The following THAP8 variants were observed in gnomAD, a reference collection of about 807,000 sequenced individuals.
THAP8 encodes THAP domain-containing protein 8.
A neutral mutation model predicts 25.0 loss-of-function variants in THAP8; 24 were observed. That is an observed-to-expected ratio of 0.96 (90% confidence interval 0.69 to 1.35). The LOEUF is 1.35. THAP8 is among the 40% of genes most tolerant of loss of function. The pLI is 0.00. For synonymous variants in THAP8, 169 were observed against 157.6 expected (o/e 1.07, Z -0.54); for missense variants, 399 against 368.8 (o/e 1.08, Z -0.67).
At chr19:36,039,215 C>A in intron 3 of THAP8, 108 bp downstream of exon 3, 6 of 1,364,884 alleles carry the variant, frequency 4.4e-6, no homozygotes, top group Non-Finnish European at 5.7e-6. Context: ...TTTGGAAACA[C>A]GGCTGAATGT....
chr19:36,049,741 G>A (rs539876329), intron 1 of THAP8, among the ~76,000 whole-genome samples: 6 of 152,176 alleles, frequency 3.9e-5, no homozygotes, highest in Non-Finnish European at 8.8e-5. Context: ...AACTATTGTT[G>A]TTGTTATGAG....
At chr19:36,035,807 A>G (rs57893103) in intron 3 of THAP8, among the ~76,000 whole-genome samples, 20,980 of 151,662 alleles carry the variant, frequency 0.14, 1,787 homozygotes, top group Middle Eastern at 0.25. Flanking sequence ...AAATGGGAAG[A>G]GAAGTGCGGG....
At chr19:36,037,172 C>T (rs1184072361) in intron 3 of THAP8, among the ~76,000 whole-genome samples, 1 of 151,324 alleles carries the variant, frequency 6.6e-6, no homozygotes, top group African/African-American at 2.4e-5. Flanking sequence ...AGAGACATAA[C>T]ACCATTCCTC....
chr19:36,038,614 C>T (rs918880374), intron 3 of THAP8, among the ~76,000 whole-genome samples: 1 of 152,154 alleles, frequency 6.6e-6, no homozygotes, highest in Admixed American at 6.5e-5. Flanking sequence ...CATTTTGGGA[C>T]GCCAAGGCAG....
chr19:36,037,044 G>A (rs1969479804), intron 3 of THAP8, among the ~76,000 whole-genome samples: 1 of 151,886 alleles, frequency 6.6e-6, no homozygotes, highest in Non-Finnish European at 1.5e-5. Context: ...GCTCTGTGTG[G>A]GCATCTCTCT....
intron 3 of THAP8, 36 bp from the exon 4 acceptor site, chr19:36,035,628 C>G (rs368029265): frequency 1.3e-6 from 2 of 1,595,134 alleles, no homozygotes; most frequent in South Asian, 1.1e-5. Context: ...GGGAACATTA[C>G]GAAGCAAGTT....
At chr19:36,043,724 C>T (rs1486596213) in intron 1 of THAP8, among the ~76,000 whole-genome samples, 15 of 151,956 alleles carry the variant, frequency 9.9e-5, no homozygotes, top group Non-Finnish European at 1.9e-4. Context: ...CCCGTCTCTA[C>T]GAAAATTACA....
intron 1 of THAP8, among the ~76,000 whole-genome samples, chr19:36,052,697 C>T (rs1970089738): frequency 6.6e-6 from 1 of 152,178 alleles, no homozygotes; most frequent in East Asian, 1.9e-4. Flanking sequence ...ATATTGTGTC[C>T]TTATCTGAAG....
At chr19:36,038,368 C>A (rs1449046623) in intron 3 of THAP8, among the ~76,000 whole-genome samples, 4 of 151,772 alleles carry the variant, frequency 2.6e-5, no homozygotes, top group African/African-American at 9.7e-5. Flanking sequence ...CTCAAGGGAT[C>A]TTCCTGCCTC....
rs35918803 is a variant in THAP8, at chr19:36,036,272, C to CTTTTT, written c.673-685_673-681dup. ...TGCAGAGCCTTCAGGAAAGACCAGACTTTTTTTTTTTTTTTTTTTTTGAGA... is the reference window on the plus strand; with the variant it reads ...TGCAGAGCCTTCAGGAAAGACCAGACTTTTTTTTTTTTTTTTTTTTTTTTTTGAGA... On this transcript the variant is annotated intron_variant, in intron 3 of 3. Transcript: ENST00000292894. Among the ~76,000 whole-genome samples the CTTTTT allele has an allele frequency of 1.1e-3, 119 of 110,444 alleles. 2 individuals carry two copies. Among genetic ancestry groups the CTTTTT allele is most frequent in the Middle Eastern group, 5.2e-3 (1 of 194 alleles). The allele number at this position is 110,444 out of a possible 152,430, so 72.5% of individuals were successfully genotyped here.
intron 1 of THAP8, among the ~76,000 whole-genome samples, chr19:36,046,616 G>A (rs558363068): frequency 6.6e-6 from 1 of 152,314 alleles, no homozygotes; most frequent in African/African-American, 2.4e-5. Flanking sequence ...GGCTGCTGCA[G>A]TCAGCCTCCC....
chr19:36,054,078 G>C, intron 1 of THAP8, 57 bp downstream of exon 1: 2 of 1,572,464 alleles, frequency 1.3e-6, no homozygotes, highest in Non-Finnish European at 1.7e-6. Flanking sequence ...CTAATGCTCG[G>C]GCCCCACCCC....
Position 36,039,429 on chromosome 19 carries a change from C to G in THAP8, c.566G>C (p.Arg189Pro), listed in dbSNP as rs369641801. The G allele has an allele frequency of 6.3e-7, 1 of 1,580,460 alleles. No individual in the cohort carries two copies. The highest frequency in any genetic ancestry group is 1.1e-5 in the South Asian group (1 of 87,108). The change falls in exon 3 of 4, where the codon CGG becomes CCG. Residue 189 changes from arginine (R) to proline (P), a missense_variant. By Grantham distance (103) the Arg-to-Pro change is moderately radical (BLOSUM62 -2). Transcript: ENST00000292894. ...ALQRRVRRLQ[R>P]CQERHQAQLQ... ...CTGCGCCTGGTGCCGCTCCTGGCAC[C>G]GTTGCAGCCTCCGCACCCGGCGTTG...
Position 36,039,497 on chromosome 19 carries a change from G to A in THAP8, c.498C>T (p.Ala166=). ...GGCCCAGCCCGGTCTGGGCCTGTTG[G>A]GCAGGGACTTCAGGTTGTGACCGCT... is the stretch of plus-strand genomic sequence containing the variant. ...TPERSQPEVP[A]QQAQTGLGPV... is the part of the protein sequence containing the mutation. The change falls in exon 3 of 4, where the codon GCC becomes GCT. Residue 166 remains alanine (A), a synonymous_variant. Transcript: ENST00000292894. The A allele has an allele frequency of 6.3e-7, 1 of 1,585,112 alleles. No individual in the cohort carries two copies. The highest frequency in any genetic ancestry group is 8.6e-7 in the Non-Finnish European group (1 of 1,163,930).
chr19:36,045,261 T>C (rs1265731834), intron 1 of THAP8, among the ~76,000 whole-genome samples: 1 of 151,700 alleles, frequency 6.6e-6, no homozygotes, highest in Non-Finnish European at 1.5e-5. Context: ...CTAATTTTTT[T>C]GTATATTTAT....
intron 1 of THAP8, among the ~76,000 whole-genome samples, chr19:36,048,065 G>C (rs1374167962): frequency 6.6e-6 from 1 of 152,104 alleles, no homozygotes; most frequent in Admixed American, 6.5e-5. Context: ...AGTGACACAG[G>C]CCACTTCTAA....
At chr19:36,053,984 A>G (rs993137169) in intron 1 of THAP8, 151 bp downstream of exon 1, 13 of 786,646 alleles carry the variant, frequency 1.7e-5, no homozygotes, top group African/African-American at 3.4e-5. Flanking sequence ...TGTGCAATGG[A>G]CACTGCCAGG....
intron 1 of THAP8, among the ~76,000 whole-genome samples, chr19:36,049,763 T>G (rs554175331): frequency 6.6e-6 from 1 of 151,860 alleles, no homozygotes; most frequent in South Asian, 2.1e-4. Flanking sequence ...GAGGTAAGAG[T>G]GGAAACGGGC....
chr19:36,035,662 G>A (rs1969410436), intron 3 of THAP8, 70 bp from the exon 4 acceptor site: 1 of 1,563,678 alleles, frequency 6.4e-7, no homozygotes, highest in African/African-American at 1.3e-5. Context: ...ACAGATAACG[G>A]TGAGGAACAG....
Sources: gnomAD v4.1 joint callset for allele counts (sites outside exome capture counted in the v4.1 genomes callset) on GRCh38, gnomAD v4.1.1 for gene constraint, MANE v1.5 for transcripts, NCBI Gene and HGNC (gene_info 2026-07-23, HGNC 2026-07-21) for gene names.